COL26A1: variants seen among roughly 807,000 people sequenced by gnomAD.
COL26A1 encodes collagen alpha-1(XXVI) chain.
COL26A1 carries 41 observed loss-of-function variants against 59.3 expected under a neutral mutation model. The ratio of observed to expected loss-of-function variants is 0.69; its 90% CI spans 0.54 to 0.90. The LOEUF (loss-of-function observed/expected upper bound fraction) is 0.90. Ranked by LOEUF, COL26A1 falls within the 40% of genes least tolerant of loss-of-function variation. The pLI is 0.00. For synonymous variants in COL26A1, 266 were observed against 256.0 expected (o/e 1.04, Z -0.37); for missense variants, 612 against 602.3 (o/e 1.02, Z -0.17).
intron 3 of COL26A1, among the ~76,000 whole-genome samples, chr7:101,462,850 G>A (rs929825922): frequency 6.6e-6 from 1 of 151,914 alleles, no homozygotes; most frequent in South Asian, 2.1e-4. Flanking sequence ...GAGCTGCAAG[G>A]AGGGACTTGC....
At chr7:101,385,832 G>C (rs1007191450) in intron 1 of COL26A1, among the ~76,000 whole-genome samples, 14 of 151,910 alleles carry the variant, frequency 9.2e-5, no homozygotes, top group African/African-American at 3.4e-4. Flanking sequence ...AGCCTCCCAA[G>C]TAGCTGGGAC....
chr7:101,497,394 G>C (rs1251903190), intron 3 of COL26A1, among the ~76,000 whole-genome samples: 1 of 151,948 alleles, frequency 6.6e-6, no homozygotes, highest in African/African-American at 2.4e-5. Flanking sequence ...TTTAACCCTG[G>C]CCACATGCAG....
intron 4 of COL26A1, 98 bp downstream of exon 4, chr7:101,533,241 C>T: frequency 1.1e-6 from 1 of 900,824 alleles, no homozygotes; most frequent in Non-Finnish European, 1.7e-6. Flanking sequence ...CCGTGGAATT[C>T]CCAGCCCCGG....
At chr7:101,503,269 C>G (rs1416675276) in intron 3 of COL26A1, among the ~76,000 whole-genome samples, 1 of 152,152 alleles carries the variant, frequency 6.6e-6, no homozygotes, top group Non-Finnish European at 1.5e-5. Context: ...TTGTATGTCT[C>G]AGAAATGATG....
intron 1 of COL26A1, among the ~76,000 whole-genome samples, chr7:101,365,831 A>G (rs1189841333): frequency 2.0e-5 from 3 of 148,342 alleles, no homozygotes; most frequent in Non-Finnish European, 3.0e-5. Context: ...AAAAAAAAAA[A>G]GGTGTTTGCA....
chr7:101,548,025 T>C (rs532086050), intron 8 of COL26A1, among the ~76,000 whole-genome samples: 10 of 152,168 alleles, frequency 6.6e-5, no homozygotes, highest in Non-Finnish European at 1.5e-4. Context: ...CTGAGGGAGC[T>C]ACAAGGGAGA....
intron 2 of COL26A1, among the ~76,000 whole-genome samples, chr7:101,423,610 C>G (rs1313182745): frequency 6.6e-6 from 1 of 152,018 alleles, no homozygotes; most frequent in Admixed American, 6.6e-5. Context: ...TGCCACATGC[C>G]TGTAATCCCA....
intron 1 of COL26A1, among the ~76,000 whole-genome samples, chr7:101,383,206 A>G (rs1294283099): frequency 1.3e-5 from 2 of 151,946 alleles, no homozygotes; most frequent in Non-Finnish European, 2.9e-5. Context: ...ATAAACATTT[A>G]TGTTTGGCAG....
At chr7:101,425,930 G>A (rs1283696436) in intron 2 of COL26A1, among the ~76,000 whole-genome samples, 1 of 151,220 alleles carries the variant, frequency 6.6e-6, no homozygotes, top group African/African-American at 2.4e-5. Flanking sequence ...GGGTTCAAGC[G>A]ATTGTCCTAC....
chr7:101,477,433 C>T (rs912425627), intron 3 of COL26A1, among the ~76,000 whole-genome samples: 5 of 152,168 alleles, frequency 3.3e-5, no homozygotes, highest in Admixed American at 3.3e-4. Context: ...TATAAGCCCT[C>T]AGTGACCCTC....
At chr7:101,521,195 C>A (rs1795134821) in intron 3 of COL26A1, among the ~76,000 whole-genome samples, 1 of 152,154 alleles carries the variant, frequency 6.6e-6, no homozygotes, top group Admixed American at 6.5e-5. Flanking sequence ...TTCACTATCA[C>A]AAAAACAGCA....
intron 1 of COL26A1, among the ~76,000 whole-genome samples, chr7:101,397,315 T>C (rs1282882209): frequency 1.3e-5 from 2 of 152,210 alleles, no homozygotes; most frequent in East Asian, 1.9e-4. Flanking sequence ...GCTTCACAAA[T>C]GTTCATTGAA....
rs746173589 is a variant in COL26A1 at position 101,471,231 on chromosome 7, A to G, written c.385+23444A>G. 4.1e-4 allele frequency among the ~76,000 whole-genome samples: 63 copies of G among 152,264 alleles called. 1 individual carries two copies. Among genetic ancestry groups the G allele is most frequent in the Non-Finnish European group, 6.8e-4 (46 of 68,014 alleles). ...AATATCTGTTCCCATGCAATTAAGC[A>G]TAAGGGCTTTATACTTGCCTTGTGC... is the stretch of plus-strand genomic sequence containing the variant. On this transcript the variant is annotated intron_variant, in intron 3 of 12. Coordinates refer to ENST00000313669, the MANE Select transcript of COL26A1 (RefSeq NM_001278563.3).
intron 2 of COL26A1, 24 bp from the exon 3 acceptor site, chr7:101,447,660 C>A: frequency 1.3e-6 from 2 of 1,484,906 alleles, no homozygotes; most frequent in Non-Finnish European, 9.2e-7. Flanking sequence ...AGCTCATGCC[C>A]CCCTGACGCT....
At chr7:101,490,023 G>A (rs906218329) in intron 3 of COL26A1, among the ~76,000 whole-genome samples, 4 of 149,162 alleles carry the variant, frequency 2.7e-5, no homozygotes, top group Non-Finnish European at 4.4e-5. Flanking sequence ...TGCAACCTCC[G>A]CCTCCCAGGT....
chr7:101,446,920 G>A (rs1793211726), intron 2 of COL26A1, among the ~76,000 whole-genome samples: 1 of 152,026 alleles, frequency 6.6e-6, no homozygotes, highest in Non-Finnish European at 1.5e-5. Context: ...GAGACTGGAG[G>A]TTTTTATCAC....
chr7:101,512,095 G>A (rs1206280736), intron 3 of COL26A1, among the ~76,000 whole-genome samples: 1 of 152,222 alleles, frequency 6.6e-6, no homozygotes, highest in African/African-American at 2.4e-5. Context: ...AGGAAGCAGA[G>A]GGTTTCGCTG....
intron 1 of COL26A1, among the ~76,000 whole-genome samples, chr7:101,363,688 C>T (rs913307815): frequency 9.2e-5 from 14 of 151,816 alleles, no homozygotes; most frequent in Non-Finnish European, 2.1e-4. Flanking sequence ...TGGCCGCGCC[C>T]ACCCTGTCCC....
intron 3 of COL26A1, among the ~76,000 whole-genome samples, chr7:101,487,013 A>G (rs1563005742): frequency 6.6e-6 from 1 of 152,156 alleles, no homozygotes; most frequent in East Asian, 1.9e-4. Flanking sequence ...ACAGCTCCCA[A>G]TTAAGGGAAT....
Sources: allele counts gnomAD v4.1 joint callset (sites outside exome capture counted in the v4.1 genomes callset), GRCh38; gene constraint gnomAD v4.1.1; transcripts MANE v1.5; gene names NCBI Gene and HGNC (gene_info 2026-07-23, HGNC 2026-07-21).